Variants in FHIT observed in about 807,000 individuals in gnomAD.
FHIT encodes the protein fragile histidine triad diadenosine triphosphatase, also known as bis(5'-adenosyl)-triphosphatase.
A neutral mutation model predicts 17.9 loss-of-function variants in FHIT; 19 were observed. The ratio of observed to expected loss-of-function variants is 1.06; its 90% CI spans 0.74 to 1.56. The LOEUF (loss-of-function observed/expected upper bound fraction) is 1.56. FHIT is among the 40% of genes most tolerant of loss of function. The pLI is 0.00. For synonymous variants in FHIT, 81 were observed against 69.7 expected (o/e 1.16, Z -0.81); for missense variants, 248 against 189.2 (o/e 1.31, Z -1.82).
At chr3:60,842,966 G>A (rs902415150) in intron 3 of FHIT, among the ~76,000 whole-genome samples, 3 of 152,024 alleles carry the variant, frequency 2.0e-5, no homozygotes, top group Admixed American at 6.6e-5. Flanking sequence ...AATCTACCAG[G>A]CATCTTTCTG....
At chr3:60,038,945 C>T (rs996621775) in intron 5 of FHIT, among the ~76,000 whole-genome samples, 10 of 152,118 alleles carry the variant, frequency 6.6e-5, no homozygotes, top group African/African-American at 2.4e-4. Context: ...TGTACTGCCT[C>T]TTATGGTTTC....
intron 4 of FHIT, among the ~76,000 whole-genome samples, chr3:60,554,017 G>A (rs1029370630): frequency 3.3e-5 from 5 of 152,096 alleles, no homozygotes; most frequent in Middle Eastern, 3.2e-3. Context: ...AACCCAGTGG[G>A]CAGAGGTTGC....
At chr3:60,408,422 G>A (rs188108962) in intron 5 of FHIT, among the ~76,000 whole-genome samples, 16 of 152,174 alleles carry the variant, frequency 1.1e-4, no homozygotes, top group Non-Finnish European at 1.3e-4. Context: ...AACATGATGT[G>A]GACACCCCAG....
At chr3:60,922,304 T>C (rs1271006503) in intron 3 of FHIT, among the ~76,000 whole-genome samples, 1 of 152,170 alleles carries the variant, frequency 6.6e-6, no homozygotes, top group Non-Finnish European at 1.5e-5. Context: ...GGGCACCAGA[T>C]AAAGAAACCG....
chr3:60,321,887 A>T (rs1344910797), intron 5 of FHIT, among the ~76,000 whole-genome samples: 1 of 152,140 alleles, frequency 6.6e-6, no homozygotes, highest in African/African-American at 2.4e-5. Context: ...AACCTCCTTT[A>T]AGAGGGTGCT....
At chr3:59,789,101 G>A (rs1683366) in intron 8 of FHIT, among the ~76,000 whole-genome samples, 49,853 of 151,804 alleles carry the variant, frequency 0.33, 8,446 homozygotes, top group African/African-American at 0.37. Flanking sequence ...AGCTCTGAAA[G>A]CTGCTAAAAT....
intron 5 of FHIT, among the ~76,000 whole-genome samples, chr3:60,326,936 T>C (rs1709722410): frequency 6.6e-6 from 1 of 152,184 alleles, no homozygotes; most frequent in African/African-American, 2.4e-5. Flanking sequence ...CAGATTTCAA[T>C]TTGGCAGTAT....
chr3:60,726,753 CTAT>C (rs2041924084), intron 4 of FHIT, among the ~76,000 whole-genome samples: 1 of 152,060 alleles, frequency 6.6e-6, no homozygotes, highest in Non-Finnish European at 1.5e-5. Context: ...GAAGTAAGTA[CTAT>C]TATTATTCCC....
chr3:60,358,249 A>G (rs1428462954), intron 5 of FHIT, among the ~76,000 whole-genome samples: 1 of 152,226 alleles, frequency 6.6e-6, no homozygotes, highest in Non-Finnish European at 1.5e-5. Context: ...CTAAAGACAG[A>G]ACTCATTTTA....
intron 2 of FHIT, among the ~76,000 whole-genome samples, chr3:61,102,663 G>T (rs184104709): frequency 4.4e-4 from 67 of 152,250 alleles, no homozygotes; most frequent in Admixed American, 2.8e-3. Flanking sequence ...GGTAGAATTT[G>T]GCTGTGAATC....
At chr3:59,921,332 G>A (rs570418749) in intron 8 of FHIT, among the ~76,000 whole-genome samples, 1 of 151,856 alleles carries the variant, frequency 6.6e-6, no homozygotes, top group Admixed American at 6.6e-5. Context: ...ATTTTAACTG[G>A]TCCCTGGAAA....
chr3:60,907,523 C>T (rs1417171877), intron 3 of FHIT, among the ~76,000 whole-genome samples: 1 of 152,090 alleles, frequency 6.6e-6, no homozygotes, highest in Non-Finnish European at 1.5e-5. Flanking sequence ...TTAATGGAAA[C>T]ATTTGAATAT....
intron 7 of FHIT, among the ~76,000 whole-genome samples, chr3:59,976,727 ATACT>A (rs1708429280): frequency 6.6e-6 from 1 of 152,142 alleles, no homozygotes; most frequent in Non-Finnish European, 1.5e-5. Flanking sequence ...TCCCCTAGAA[ATACT>A]TACAAGGGAG....
rs181563271 is a variant in FHIT, at chr3:60,332,658, T to C, written c.103+204202A>G. Among the ~76,000 whole-genome samples, 4 of 152,262 alleles carry C rather than the reference T, an allele frequency of 2.6e-5. No individual in the cohort carries two copies. In the East Asian group the frequency reaches 7.7e-4, roughly 29 times the overall value. ...TTAATGCTATTATTCTGTCCCTAGA[T>C]GTGAAAAGGCAACTATTTTGGGGAG... On this transcript the variant is annotated intron_variant, in intron 5 of 9. Transcript: ENST00000492590.
At chr3:60,578,876 T>G (rs1215245200) in intron 4 of FHIT, among the ~76,000 whole-genome samples, 1 of 152,140 alleles carries the variant, frequency 6.6e-6, no homozygotes, top group Non-Finnish European at 1.5e-5. Context: ...GATAGCTAAT[T>G]CCTAGGAAAC....
chr3:61,186,396 G>A (rs971239702), intron 2 of FHIT, among the ~76,000 whole-genome samples: 4 of 152,186 alleles, frequency 2.6e-5, no homozygotes, highest in Non-Finnish European at 5.9e-5. Flanking sequence ...GTGGGCGCCT[G>A]ACCTACATCA....
At chr3:59,751,083 G>A (rs775443060) in intron 9 of FHIT, 3 of 163,724 alleles carry the variant, frequency 1.8e-5, no homozygotes, top group Non-Finnish European at 2.4e-5. Flanking sequence ...GGGTCCATGG[G>A]AGTTTATTAA....
chr3:60,454,536 C>T (rs919458878), intron 5 of FHIT, among the ~76,000 whole-genome samples: 34 of 151,982 alleles, frequency 2.2e-4, no homozygotes, highest in African/African-American at 6.3e-4. Flanking sequence ...AGGCACCTGC[C>T]ACCACACCCG....
Position 61,100,238 on chromosome 3 carries a change from G to A in FHIT, c.-163-58139C>T, listed in dbSNP as rs1458637521. 5.3e-5 allele frequency among the ~76,000 whole-genome samples: 8 copies of A among 152,226 alleles called. No homozygotes were observed. In the East Asian group the frequency reaches 1.5e-3, roughly 29 times the overall value. Reference sequence around the variant, plus strand: ...CCCACACCCCCCGACAGGACCCAGTGTGTGATGTTCCCTGCCCTGTGTCCA... The same window carrying A: ...CCCACACCCCCCGACAGGACCCAGTATGTGATGTTCCCTGCCCTGTGTCCA... On this transcript the variant is annotated intron_variant, in intron 2 of 9. Transcript: ENST00000492590.
Sources: gnomAD v4.1 joint callset for allele counts (sites outside exome capture counted in the v4.1 genomes callset) on GRCh38, gnomAD v4.1.1 for gene constraint, MANE v1.5 for transcripts, NCBI Gene and HGNC (gene_info 2026-07-23, HGNC 2026-07-21) for gene names.